FHL5: variants seen among roughly 807,000 people sequenced by gnomAD.
FHL5 encodes the protein four and a half LIM domains 5, also known as four and a half LIM domains protein 5.
In FHL5, 33 loss-of-function variants were observed where a neutral mutation model predicts 32.0. That is an observed-to-expected ratio of 1.03 (90% CI 0.78 to 1.38). FHL5 has a LOEUF of 1.38. Among genes scored for constraint, FHL5 ranks in the 40% most tolerant of loss-of-function variants. FHL5 has a pLI of 0.00. For synonymous variants in FHL5, 114 were observed against 113.6 expected (o/e 1.00, Z -0.02); for missense variants, 336 against 343.9 (o/e 0.98, Z 0.18).
chr6:96,601,220 G>T (rs1242998450), intron 1 of FHL5, among the ~76,000 whole-genome samples: 1 of 152,112 alleles, frequency 6.6e-6, no homozygotes, highest in African/African-American at 2.4e-5. Flanking sequence ...TGTAGTCCCA[G>T]CTACTCAGGA....
chr6:96,567,883 AT>A (rs1177897984), intron 1 of FHL5, among the ~76,000 whole-genome samples: 15 of 102,598 alleles, frequency 1.5e-4, no homozygotes, highest in African/African-American at 5.8e-4. Flanking sequence ...CAGTTCTGAG[AT>A]TTTTGGTGGA....
At chr6:96,591,579 C>G (rs930760702) in intron 1 of FHL5, among the ~76,000 whole-genome samples, 20 of 152,106 alleles carry the variant, frequency 1.3e-4, no homozygotes, top group African/African-American at 3.9e-4. Flanking sequence ...GCATAGACTT[C>G]TAGGTTGGCT....
At chr6:96,610,822 AG>A in intron 5 of FHL5, 64 bp downstream of exon 5, 1 of 1,191,706 alleles carries the variant, frequency 8.4e-7, no homozygotes, top group East Asian at 2.4e-5. Flanking sequence ...AACACTATCT[AG>A]TTAATTTAGG....
chr6:96,569,800 T>C (rs2127958577), intron 1 of FHL5, among the ~76,000 whole-genome samples: 1 of 150,894 alleles, frequency 6.6e-6, no homozygotes, highest in East Asian at 1.9e-4. Flanking sequence ...GTGAAGTGAG[T>C]TTCTTTTAGG....
chr6:96,611,293 C>T (rs963058632), intron 5 of FHL5, among the ~76,000 whole-genome samples: 2 of 152,076 alleles, frequency 1.3e-5, no homozygotes, highest in Admixed American at 6.5e-5. Flanking sequence ...ATGTATTACT[C>T]TCTTTTCTCT....
At chr6:96,596,039 G>T (rs1771027006) in intron 1 of FHL5, among the ~76,000 whole-genome samples, 1 of 151,898 alleles carries the variant, frequency 6.6e-6, no homozygotes, top group Non-Finnish European at 1.5e-5. Flanking sequence ...GGCCTAGGAT[G>T]ATGGGACATT....
In FHL5 at chr6:96,616,608, C is replaced by T. The variant is rs150953408; in HGVS notation, c.*836C>T. On this transcript the variant is annotated 3_prime_UTR_variant, in exon 6 of 6. Transcript: ENST00000450218. ...GATAATCTTTGTCCCCAAAGGCAAA[C>T]CTTTAAAATAAATAGATCATTAAAT... 7.4e-4 allele frequency: 112 copies of T among 152,264 alleles called. 1 individual carries two copies. The highest frequency in any genetic ancestry group is 2.6e-3 in the African/African-American group (110 of 41,556). The allele number at this position is 152,264 out of a possible 1,614,324, so 9.4% of individuals were successfully genotyped here.
chr6:96,615,756 T>G lies in FHL5; in HGVS notation c.839T>G (p.Met280Arg). The change falls in exon 6 of 6, where the codon ATG (methionine) becomes AGG (arginine). Residue 280 changes from methionine (M) to arginine (R), a missense_variant. Transcript: ENST00000450218. ...TTCTGCCAAAAATGTGGCTCCGGAA[T>G]GGACACTGACATCTAGGAGACAGTC... Reference protein sequence around the residue: ...EIFCQKCGSGMDTDI With the variant: ...EIFCQKCGSGRDTDI 1 of 1,610,166 alleles carries G rather than the reference T, an allele frequency of 6.2e-7. No homozygotes were observed. The highest frequency in any genetic ancestry group is 2.2e-5 in the East Asian group (1 of 44,654).
rs760435933 is a variant in FHL5, at chr6:96,606,058, A to G, written c.491A>G (p.Asn164Ser). The G allele has an allele frequency of 6.2e-7, 1 of 1,613,588 alleles. No individual in the cohort carries two copies. Among genetic ancestry groups the G allele is most frequent in the South Asian group, 1.1e-5 (1 of 90,884 alleles). Residue 164 changes from asparagine to serine, a missense_variant, in exon 4 of 6, where the codon AAC becomes AGC. Asn to Ser is a conservative substitution (Grantham distance 46). Transcript: ENST00000450218. The part of the protein sequence containing the change: ...CFEKEFAHYC[N>S]FCKKVITSGG... ...GAGAAGGAGTTTGCTCACTACTGCA[A>G]CTTTTGTAAGAAGGTAATTTTCTAA...
In FHL5 at chr6:96,617,305, G is replaced by A. The variant is rs2127977489; in HGVS notation, c.*1533G>A. 6.6e-6 allele frequency among the ~76,000 whole-genome samples: 1 copy of A among 152,194 alleles called. No homozygotes were observed. The highest frequency in any genetic ancestry group is 6.5e-5 in the Admixed American group (1 of 15,288). ...TCAGATTACACATTATAGCATTAAA[G>A]GTTTTGATTAAAATCTAATTGTAAG... On this transcript the variant is annotated 3_prime_UTR_variant, in exon 6 of 6. Coordinates refer to ENST00000450218, the MANE Select transcript of FHL5 (RefSeq NM_001322466.2).
chr6:96,568,330 A>G (rs1435808901), intron 1 of FHL5, among the ~76,000 whole-genome samples: 1 of 151,888 alleles, frequency 6.6e-6, no homozygotes, highest in Non-Finnish European at 1.5e-5. Context: ...CATGGTGAAT[A>G]ATCTCTTTAA....
In FHL5 at chr6:96,618,456, C is replaced by G. The variant is rs1379486624; in HGVS notation, c.*2684C>G. ...TTAGGATAAAAAGTGACATAACCGG[C>G]CATAGAAAGTTACCAACTGTTCATA... On this transcript the variant is annotated 3_prime_UTR_variant, in exon 6 of 6. Coordinates refer to ENST00000450218, the MANE Select transcript of FHL5 (RefSeq NM_001322466.2). Among the ~76,000 whole-genome samples the G allele has an allele frequency of 6.6e-6, 1 of 152,098 alleles. No individual in the cohort carries two copies. The highest frequency in any genetic ancestry group is 1.5e-5 in the Non-Finnish European group (1 of 68,020).
chr6:96,577,805 A>G (rs1264634795), intron 1 of FHL5, among the ~76,000 whole-genome samples: 1 of 152,166 alleles, frequency 6.6e-6, no homozygotes, highest in Non-Finnish European at 1.5e-5. Flanking sequence ...CAGCCTAACT[A>G]AAGCTGTCAT....
In FHL5 at chr6:96,569,034, G is replaced by A. The variant is rs1454393085; in HGVS notation, c.-13+5679G>A. On this transcript the variant is annotated intron_variant, in intron 1 of 5. Transcript: ENST00000450218. Reference sequence around the variant, plus strand: ...TCTAGTTTCTTGAAGTGCATCATGAGCTTGTTTATTTGATATCTTTCTACT... The same window carrying A: ...TCTAGTTTCTTGAAGTGCATCATGAACTTGTTTATTTGATATCTTTCTACT... 2.0e-5 allele frequency among the ~76,000 whole-genome samples: 3 copies of A among 151,854 alleles called. 1 individual carries two copies. The highest frequency in any genetic ancestry group is 4.2e-4 in the South Asian group (2 of 4,814).
intron 1 of FHL5, among the ~76,000 whole-genome samples, chr6:96,587,935 T>C (rs1262839320): frequency 1.3e-5 from 2 of 152,224 alleles, no homozygotes; most frequent in African/African-American, 2.4e-5. Context: ...TATGACAATA[T>C]GTTGTGTGAC....
At chr6:96,574,673 T>C (rs904943206) in intron 1 of FHL5, among the ~76,000 whole-genome samples, 9 of 152,166 alleles carry the variant, frequency 5.9e-5, no homozygotes, top group African/African-American at 1.9e-4. Context: ...TGTGAACATA[T>C]GCATTCATAT....
chr6:96,569,035 CTTGT>C (rs1770420700), intron 1 of FHL5, among the ~76,000 whole-genome samples: 1 of 151,668 alleles, frequency 6.6e-6, no homozygotes, highest in African/African-American at 2.4e-5. Flanking sequence ...GCATCATGAG[CTTGT>C]TTATTTGATA....
At chr6:96,577,360 C>T (rs1770604635) in intron 1 of FHL5, among the ~76,000 whole-genome samples, 1 of 151,890 alleles carries the variant, frequency 6.6e-6, no homozygotes, top group South Asian at 2.1e-4. Context: ...TCAACCCCAA[C>T]TCAAACACCC....
In FHL5 at chr6:96,604,927, A is replaced by G. The variant is rs375221257; in HGVS notation, c.334+3A>G. 8 of 1,587,518 alleles carry G rather than the reference A, an allele frequency of 5.0e-6. No homozygotes were observed. The African/African-American group carries it at 1.1e-4, about 21-fold the overall frequency. Reference sequence around the variant, plus strand: ...CTGCAAGAGGACCATCATGCCTGGTAGGGTCTCAAGGGGGCTCCTGTCTCT... The same window carrying G: ...CTGCAAGAGGACCATCATGCCTGGTGGGGTCTCAAGGGGGCTCCTGTCTCT... On this transcript the variant is annotated splice_donor_region_variant and intron_variant, in intron 3 of 5. Transcript: ENST00000450218.
Sources: gnomAD v4.1 joint callset for allele counts (sites outside exome capture counted in the v4.1 genomes callset) on GRCh38, gnomAD v4.1.1 for gene constraint, MANE v1.5 for transcripts, NCBI Gene and HGNC (gene_info 2026-07-23, HGNC 2026-07-21) for gene names.